Variants in POLR1A observed in about 807,000 individuals in gnomAD.
POLR1A encodes the protein DNA-directed RNA polymerase I subunit RPA1.
POLR1A carries 84 observed loss-of-function variants against 205.3 expected under a neutral mutation model. That is an observed-to-expected ratio of 0.41 (90% CI 0.34 to 0.49). The LOEUF (loss-of-function observed/expected upper bound fraction) is 0.49. Among genes scored for constraint, POLR1A ranks in the 20% least tolerant of loss-of-function variants. The pLI is 0.22. For missense variants in POLR1A, 1,645 were observed against 2,204.5 expected (o/e 0.75, Z 5.08); for synonymous variants, 799 against 863.7 (o/e 0.93, Z 1.31).
intron 7 of POLR1A, among the ~76,000 whole-genome samples, 160 bp from the exon 8 acceptor site, chr2:86,081,866 C>T (rs1329285590): frequency 6.6e-6 from 1 of 152,168 alleles, no homozygotes; most frequent in African/African-American, 2.4e-5. Flanking sequence ...GGTCTCACTC[C>T]TGTCGCCCAG....
intron 15 of POLR1A, among the ~76,000 whole-genome samples, chr2:86,053,573 G>A (rs1352149780): frequency 3.9e-5 from 6 of 152,184 alleles, no homozygotes; most frequent in Non-Finnish European, 7.3e-5. Context: ...TTCTAGCTGC[G>A]TAATGTAGCA....
intron 9 of POLR1A, 24 bp downstream of exon 9, chr2:86,080,792 C>T (rs755898223): frequency 1.3e-6 from 2 of 1,586,114 alleles, no homozygotes; most frequent in Non-Finnish European, 1.7e-6. Flanking sequence ...GTGCTCATCA[C>T]ATCAGCAACA....
At chr2:86,040,318 C>G in intron 25 of POLR1A, 74 bp downstream of exon 25, 1 of 1,187,276 alleles carries the variant, frequency 8.4e-7, no homozygotes, top group Admixed American at 2.9e-5. Context: ...CTCACTCACC[C>G]CCTCTCATTA....
At chr2:86,042,539 A>C (rs980195047) in intron 23 of POLR1A, among the ~76,000 whole-genome samples, 3 of 152,208 alleles carry the variant, frequency 2.0e-5, no homozygotes, top group African/African-American at 7.2e-5. Context: ...TGCTTCAAAG[A>C]GATCCCCTGC....
In POLR1A at chr2:86,021,018, G is replaced by A. The variant is rs1690124271; in HGVS notation, c.*6405C>T. On this transcript the variant is annotated 3_prime_UTR_variant, in exon 34 of 34. Transcript: ENST00000263857. The stretch of plus-strand genomic sequence containing the variant: ...AGATTCCAAGAAAAGTCTTATTTCA[G>A]AGCTCAGTGTCTTGCCCAAAACGCA... 6.6e-6 allele frequency: 1 copy of A among 152,244 alleles called. No homozygotes were observed. Among genetic ancestry groups the A allele is most frequent in the Non-Finnish European group, 1.5e-5 (1 of 68,032 alleles). 9.4% of individuals were successfully genotyped at this position (152,244 alleles called of 1,614,324 possible). A position where few individuals can be genotyped will look rare whatever the true frequency, so the allele number is the denominator to read the frequency against.
intron 9 of POLR1A, among the ~76,000 whole-genome samples, chr2:86,079,517 C>A (rs751840522): frequency 6.6e-6 from 1 of 152,074 alleles, no homozygotes; most frequent in South Asian, 2.1e-4. Context: ...GCTATTTGCC[C>A]CTCAGAGGCG....
rs374658884 is a variant in POLR1A, at chr2:86,080,887, G to A, written c.1015C>T (p.Arg339Ter). ...TGGGCCATCAATGCCAGAAGTTTTC[G>A]AATCAGAACTACATCCTTCATGACA... The part of the protein sequence containing the change: ...QAVMKDVVLI[R>*]KLLALMAQEQ... The change falls in exon 9 of 34, where the codon CGA (arginine) becomes TGA (stop). Residue 339 changes from arginine to a stop codon, truncating the protein, a stop_gained. Transcript: ENST00000263857. LOFTEE classifies it high-confidence loss of function. 4.3e-6 allele frequency: 7 copies of A among 1,613,996 alleles called. No homozygotes were observed. The highest frequency in any genetic ancestry group is 2.7e-5 in the African/African-American group (2 of 74,900).
At chr2:86,038,988 C>G in intron 26 of POLR1A, 131 bp from the exon 27 acceptor site, 3 of 816,118 alleles carry the variant, frequency 3.7e-6, no homozygotes, top group Non-Finnish European at 5.9e-6. Context: ...CAAAGAAACC[C>G]TGGTGAGCTA....
Position 86,030,296 on chromosome 2 carries a change from G to A in POLR1A, c.4679C>T (p.Thr1560Ile), listed in dbSNP as rs773560839. The A allele has an allele frequency of 3.1e-6, 5 of 1,614,018 alleles. No homozygotes were observed. Among genetic ancestry groups the A allele is most frequent in the Non-Finnish European group, 4.2e-6 (5 of 1,179,846 alleles). The change falls in exon 31 of 34, where the codon ACT (threonine) becomes ATT (isoleucine). Residue 1560 changes from threonine to isoleucine, a missense_variant. Thr to Ile is a moderately conservative substitution (Grantham distance 89). This residue lies in a region of POLR1A where 394 missense variants were observed against 468.5 expected (regional missense o/e 0.84). Coordinates refer to ENST00000263857, the MANE Select transcript of POLR1A (RefSeq NM_015425.6). Reference sequence around the variant, plus strand: ...GGTTGTTTCATTCAGGAGGCACCGAGTGATGCCCTTGGTCGCATAGATGAC... The same window carrying A: ...GGTTGTTTCATTCAGGAGGCACCGAATGATGCCCTTGGTCGCATAGATGAC... ...GAVIYATKGI[T>I]RCLLNETTNN...
intron 3 of POLR1A, among the ~76,000 whole-genome samples, chr2:86,094,126 C>A (rs114156194): frequency 1.6e-3 from 239 of 152,222 alleles, no homozygotes; most frequent in Middle Eastern, 0.01. Flanking sequence ...GGGTGACTGC[C>A]AGGCAAGAAG....
intron 25 of POLR1A, 162 bp downstream of exon 25, chr2:86,040,230 G>C: frequency 1.8e-6 from 1 of 556,248 alleles, no homozygotes; most frequent in East Asian, 3.3e-5. Flanking sequence ...GCTGGGCTCT[G>C]GAAATTCTAA....
rs36051710 is a variant in POLR1A, at chr2:86,040,463, G to A, written c.3669C>T (p.Ser1223=). ...LLAAQSIGEP[S]TQMTLNTFHF... is the part of the protein sequence containing the mutation. ...GGAAGGTGTTGAGGGTCATCTGGGT[G>A]GAGGGCTCTCCGATGCTCTGGGCAG... Residue 1223 remains serine, a synonymous_variant, in exon 25 of 34, where the codon TCC becomes TCT. Coordinates refer to ENST00000263857, the MANE Select transcript of POLR1A (RefSeq NM_015425.6). 2.3e-3 allele frequency: 3,778 copies of A among 1,613,654 alleles called. 84 individuals are homozygous for A. In the African/African-American group the frequency reaches 0.043, roughly 19 times the overall value.
chr2:86,038,256 C>A (rs1426592643), intron 27 of POLR1A, among the ~76,000 whole-genome samples: 1 of 152,244 alleles, frequency 6.6e-6, no homozygotes, highest in Admixed American at 6.5e-5. Context: ...GCCACCCGCA[C>A]ATTGTTCATT....
At position 86,021,871 on chromosome 2, in the gene POLR1A, C is replaced by A. The variant is rs1690145545; in HGVS notation, c.*5552G>T. The stretch of plus-strand genomic sequence containing the variant: ...GATAGTCACTGGGGAGCTGCAGTGA[C>A]ACCTGAGCCTGTGAATAAACCAGGT... On this transcript the variant is annotated 3_prime_UTR_variant, in exon 34 of 34. Transcript: ENST00000263857. 1 of 151,528 alleles carries A rather than the reference C, an allele frequency of 6.6e-6. No homozygotes were observed. The highest frequency in any genetic ancestry group is 2.0e-4 in the East Asian group (1 of 5,116). The allele number at this position is 151,528 out of a possible 1,614,324, so 9.4% of individuals were successfully genotyped here.
In POLR1A at chr2:86,050,731, T is replaced by A. The variant is rs546473856; in HGVS notation, c.2393-1489A>T. On this transcript the variant is annotated intron_variant, in intron 16 of 33. Coordinates refer to ENST00000263857, the MANE Select transcript of POLR1A (RefSeq NM_015425.6). ...ATTTTCGTTTCAAAAGCGCTCTGAT[T>A]TTTTCTAGTTAGCAGAAATCCTTGT... Among the ~76,000 whole-genome samples, 24 of 152,348 alleles carry A rather than the reference T, an allele frequency of 1.6e-4. No homozygotes were observed. In the South Asian group the frequency reaches 5.0e-3, roughly 32 times the overall value.
In POLR1A at chr2:86,100,013, G is replaced by A; in HGVS notation, c.237C>T (p.Gly79=). The part of the protein sequence containing the change: ...QDFSNCSGHL[G]HIELPLTVYN... ...ACACTGTGAGTGGGAGCTCAATGTG[G>A]CCCAGGTGCCCAGAACAGTTGCTGA... The change falls in exon 2 of 34, where the codon GGC becomes GGT. Residue 79 remains glycine, a synonymous_variant. Coordinates refer to ENST00000263857, the MANE Select transcript of POLR1A (RefSeq NM_015425.6). 6.2e-7 allele frequency: 1 copy of A among 1,614,130 alleles called. No individual in the cohort carries two copies. Among genetic ancestry groups the A allele is most frequent in the Non-Finnish European group, 8.5e-7 (1 of 1,180,022 alleles).
chr2:86,091,499 G>A (rs779573853), intron 3 of POLR1A, among the ~76,000 whole-genome samples: 3 of 152,052 alleles, frequency 2.0e-5, no homozygotes, highest in Admixed American at 6.5e-5. Flanking sequence ...AAGGAGGGAG[G>A]GTTTTTGGGG....
chr2:86,067,418 C>T (rs1418520226), intron 13 of POLR1A, among the ~76,000 whole-genome samples: 3 of 151,974 alleles, frequency 2.0e-5, no homozygotes, highest in African/African-American at 4.8e-5. Flanking sequence ...AAAGTATGGG[C>T]CCTCAATAAA....
chr2:86,046,801 G>A (rs570550669), intron 19 of POLR1A, among the ~76,000 whole-genome samples: 126 of 152,132 alleles, frequency 8.3e-4, no homozygotes, highest in African/African-American at 2.9e-3. Context: ...CTGCACTCCA[G>A]CCCGGTGACA....
Sources: gnomAD v4.1 joint callset for allele counts (sites outside exome capture counted in the v4.1 genomes callset) on GRCh38, gnomAD v4.1.1 for gene constraint, gnomAD v4.1.1 regional missense constraint, MANE v1.5 for transcripts, NCBI Gene and HGNC (gene_info 2026-07-23, HGNC 2026-07-21) for gene names.